Variants in NIPA1 observed in about 807,000 individuals in gnomAD.
NIPA1 encodes magnesium transporter NIPA1.
NIPA1 carries 13 observed loss-of-function variants against 23.9 expected under a neutral mutation model. That is an observed-to-expected ratio of 0.54 (90% confidence interval 0.35 to 0.87). The LOEUF (loss-of-function observed/expected upper bound fraction) is 0.87. NIPA1 is among the 40% of genes least tolerant of loss of function. The probability of loss-of-function intolerance (pLI) is 0.01; values close to 1 mark genes in which losing one functional copy is unlikely to be tolerated. For missense variants in NIPA1, 362 were observed against 429.7 expected (o/e 0.84, Z 1.39); for synonymous variants, 234 against 202.9 (o/e 1.15, Z -1.30).
In NIPA1 at chr15:22,804,210, C is replaced by A. The variant is rs145480106; in HGVS notation, c.179-6539C>A. Among the ~76,000 whole-genome samples, 658 of 151,888 alleles carry A rather than the reference C, an allele frequency of 4.3e-3. 8 individuals carry two copies. The highest frequency in any genetic ancestry group is 0.015 in the African/African-American group (624 of 41,402). ...CCAGGCTGGTGTCGAACCCCTGACC[C>A]CAGGTGATTCACCCACCTCAGCCTC... On this transcript the variant is annotated intron_variant, in intron 1 of 4. Transcript: ENST00000337435.
intron 2 of NIPA1, among the ~76,000 whole-genome samples, chr15:22,811,222 C>A (rs895300851): frequency 1.3e-5 from 2 of 152,134 alleles, no homozygotes; most frequent in Non-Finnish European, 2.9e-5. Flanking sequence ...AGTCAAAGAT[C>A]AGGTCATGTG....
chr15:22,792,192 C>T (rs1566775774), intron 1 of NIPA1, among the ~76,000 whole-genome samples: 1 of 152,162 alleles, frequency 6.6e-6, no homozygotes, highest in Admixed American at 6.5e-5. Flanking sequence ...ATAGCAGTGC[C>T]TTCACTCAGC....
chr15:22,807,823 G>T (rs1895241985), intron 1 of NIPA1, among the ~76,000 whole-genome samples: 1 of 108,660 alleles, frequency 9.2e-6, no homozygotes, highest in Non-Finnish European at 1.8e-5. Flanking sequence ...TCTCTCTGTT[G>T]CCCAGGCTGG....
intron 1 of NIPA1, among the ~76,000 whole-genome samples, chr15:22,793,071 G>A (rs1894865357): frequency 6.6e-6 from 1 of 151,284 alleles, no homozygotes; most frequent in South Asian, 2.1e-4. Context: ...AAAAATCCCG[G>A]GCGTGCGGTG....
At position 22,805,926 on chromosome 15, in the gene NIPA1, T is replaced by C. The variant is rs556156572; in HGVS notation, c.179-4823T>C. On this transcript the variant is annotated intron_variant, in intron 1 of 4. Coordinates refer to ENST00000337435, the MANE Select transcript of NIPA1 (RefSeq NM_144599.5). Reference sequence around the variant, plus strand: ...TATTTTATTTATTTTTTTTTACTTATTTATTTATTTATTTTGGGATGGAGT... The same window carrying C: ...TATTTTATTTATTTTTTTTTACTTACTTATTTATTTATTTTGGGATGGAGT... Among the ~76,000 whole-genome samples the C allele has an allele frequency of 2.1e-3, 326 of 152,034 alleles. 1 individual carries two copies. Among genetic ancestry groups the C allele is most frequent in the Middle Eastern group, 3.4e-3 (1 of 294 alleles).
intron 3 of NIPA1, among the ~76,000 whole-genome samples, chr15:22,816,421 T>C (rs574940508): frequency 5.2e-4 from 78 of 150,708 alleles, no homozygotes; most frequent in Non-Finnish European, 9.4e-4. Flanking sequence ...TTTCCTGACC[T>C]TGTGGTCTGC....
At chr15:22,800,811 G>A (rs1895059932) in intron 1 of NIPA1, among the ~76,000 whole-genome samples, 1 of 152,008 alleles carries the variant, frequency 6.6e-6, no homozygotes, top group South Asian at 2.1e-4. Context: ...GGCACCTGTA[G>A]TCCCAGCTAC....
At chr15:22,797,682 T>C (rs1314679590) in intron 1 of NIPA1, among the ~76,000 whole-genome samples, 2 of 151,556 alleles carry the variant, frequency 1.3e-5, no homozygotes, top group African/African-American at 4.9e-5. Context: ...TTTGTATTTT[T>C]AGTAGAGTTG....
At position 22,820,443 on chromosome 15, in the gene NIPA1, G is replaced by T. The variant is rs376665085; in HGVS notation, c.448G>T (p.Ala150Ser). The stretch of plus-strand genomic sequence containing the variant: ...AAAGTCTGAGAGTGTGACAACTCAG[G>T]CTGAGCTGGAGGAAAAGCTGACCAA... ...SPKSESVTTQAELEEKLTNPV... is the reference protein window; with the variant it reads ...SPKSESVTTQSELEEKLTNPV... Residue 150 changes from alanine (A) to serine (S), a missense_variant, in exon 4 of 5, where the codon GCT (alanine) becomes TCT (serine). Coordinates refer to ENST00000337435, the MANE Select transcript of NIPA1 (RefSeq NM_144599.5). 3.0e-5 allele frequency: 48 copies of T among 1,613,474 alleles called. No homozygotes were observed. The East Asian group carries it at 8.9e-4, about 30-fold the overall frequency.
At chr15:22,817,618 C>T (rs1464974819) in intron 3 of NIPA1, among the ~76,000 whole-genome samples, 1 of 150,422 alleles carries the variant, frequency 6.6e-6, no homozygotes, top group Non-Finnish European at 1.5e-5. Flanking sequence ...CTGGCTAACA[C>T]GGTGAAACCC....
At chr15:22,790,742 A>T (rs1894809132) in intron 1 of NIPA1, among the ~76,000 whole-genome samples, 1 of 152,060 alleles carries the variant, frequency 6.6e-6, no homozygotes, top group African/African-American at 2.4e-5. Flanking sequence ...TGCACCAGGC[A>T]TTGTGTAGGT....
intron 1 of NIPA1, among the ~76,000 whole-genome samples, chr15:22,808,437 G>A (rs958161882): frequency 2.0e-5 from 3 of 152,140 alleles, no homozygotes; most frequent in African/African-American, 7.2e-5. Flanking sequence ...CAGAGGTAGG[G>A]CGTGGCTCAG....
In NIPA1 at chr15:22,824,913, AATT is replaced by A. The variant is rs1895618781; in HGVS notation, c.*679_*681del. On this transcript the variant is annotated 3_prime_UTR_variant, in exon 5 of 5. Transcript: ENST00000337435. The surrounding 1 kb of genome is among the most constrained non-coding windows in gnomAD (Gnocchi z 4.1). ...TCAATTTCAGTGCCTTTATCACTTG[AATT>A]ATTAACTTAATTTGACTCTTAATGT... 6.6e-6 allele frequency: 1 copy of A among 152,608 alleles called. No individual in the cohort carries two copies. The highest frequency in any genetic ancestry group is 2.1e-4 in the South Asian group (1 of 4,836). 9.5% of individuals were successfully genotyped at this position (152,608 alleles called of 1,614,324 possible).
intron 1 of NIPA1, among the ~76,000 whole-genome samples, chr15:22,805,097 C>T (rs1895179511): frequency 6.6e-6 from 1 of 152,120 alleles, no homozygotes; most frequent in African/African-American, 2.4e-5. Context: ...GCCTCAGCCT[C>T]CCAAAGTGCT....
chr15:22,803,220 G>C, intron 1 of NIPA1, among the ~76,000 whole-genome samples: 1 of 152,000 alleles, frequency 6.6e-6, no homozygotes, highest in Non-Finnish European at 1.5e-5. Flanking sequence ...GCCTCCCAAA[G>C]TGCTGGGATT....
At chr15:22,817,605 A>G (rs1398315278) in intron 3 of NIPA1, among the ~76,000 whole-genome samples, 1 of 151,454 alleles carries the variant, frequency 6.6e-6, no homozygotes, top group African/African-American at 2.4e-5. Context: ...GATCAAGACC[A>G]TCCTGGCTAA....
chr15:22,828,751 T>C lies in NIPA1; in HGVS notation c.*4512T>C, dbSNP rs1185315676. 1 of 152,620 alleles carries C rather than the reference T, an allele frequency of 6.6e-6. No individual in the cohort carries two copies. The highest frequency in any genetic ancestry group is 2.4e-5 in the African/African-American group (1 of 41,430). 9.5% of individuals were successfully genotyped at this position (152,620 alleles called of 1,614,324 possible). ...GCATGAGCCAGGGAGGAGGATGTTT[T>C]TCTTCTTTTCTCTATTTTTCCCTAA... is the stretch of plus-strand genomic sequence containing the variant. On this transcript the variant is annotated 3_prime_UTR_variant, in exon 5 of 5. Transcript: ENST00000337435.
At chr15:22,802,667 A>G (rs1386199007) in intron 1 of NIPA1, among the ~76,000 whole-genome samples, 1 of 152,102 alleles carries the variant, frequency 6.6e-6, no homozygotes. Context: ...CAGTGAAGAA[A>G]TTGATTGTTG....
intron 1 of NIPA1, among the ~76,000 whole-genome samples, chr15:22,789,190 T>C (rs1431997568): frequency 6.6e-6 from 1 of 151,936 alleles, no homozygotes; most frequent in Non-Finnish European, 1.5e-5. Flanking sequence ...GGTTTCATCA[T>C]GTTGGCCAGG....
Sources: allele counts gnomAD v4.1 joint callset (sites outside exome capture counted in the v4.1 genomes callset), GRCh38; gene constraint gnomAD v4.1.1; non-coding constraint Gnocchi (gnomAD v3.1); transcripts MANE v1.5; gene names NCBI Gene and HGNC (gene_info 2026-07-23, HGNC 2026-07-21).